Variants in PRKCB observed in about 807,000 individuals in gnomAD.
PRKCB encodes protein kinase C beta, also known as protein kinase C beta type.
A neutral mutation model predicts 81.5 loss-of-function variants in PRKCB; 13 were observed. That is an observed-to-expected ratio of 0.16 (90% confidence interval 0.10 to 0.25). The LOEUF is 0.25. PRKCB is among the 10% of genes least tolerant of loss of function. The probability of loss-of-function intolerance (pLI) is 1.00; values close to 1 mark genes in which losing one functional copy is unlikely to be tolerated. For synonymous variants in PRKCB, 335 were observed against 321.4 expected, an observed-to-expected ratio of 1.04 and a Z score of -0.45; for missense variants, 509 against 875.7, an observed-to-expected ratio of 0.58 and a Z score of 5.29.
intron 3 of PRKCB, among the ~76,000 whole-genome samples, chr16:24,018,588 C>T (rs1012981923): frequency 2.0e-5 from 3 of 152,222 alleles, no homozygotes; most frequent in Admixed American, 6.5e-5. Flanking sequence ...ACATGGACTG[C>T]AGTGCAGATC....
rs192166062 is a variant in PRKCB at position 24,003,408 on chromosome 16, A to T, written c.288+14818A>T. Among the ~76,000 whole-genome samples the T allele has an allele frequency of 6.8e-3, 1,019 of 149,692 alleles. 21 individuals carry two copies. The highest frequency in any genetic ancestry group is 6.6e-3 in the Non-Finnish European group (446 of 67,436). On this transcript the variant is annotated intron_variant, in intron 3 of 16. Coordinates refer to ENST00000643927, the MANE Select transcript of PRKCB (RefSeq NM_002738.7). ...TTCGTTTTTTTTTTTTTTTTGAGAC[A>T]AAGTCTCGCTCTGTTGCCCAGGCTG...
chr16:23,912,306 A>G (rs2141734445), intron 2 of PRKCB, among the ~76,000 whole-genome samples: 1 of 151,986 alleles, frequency 6.6e-6, no homozygotes, highest in African/African-American at 2.4e-5. Context: ...ATCTATATTC[A>G]AGTAGTCCAT....
At chr16:23,837,122 G>A (rs1487908125) in intron 1 of PRKCB, 9 of 568,088 alleles carry the variant, frequency 1.6e-5, no homozygotes, top group Middle Eastern at 4.6e-4. Context: ...CTACCCCGAC[G>A]GAAACGCTCC....
intron 2 of PRKCB, among the ~76,000 whole-genome samples, chr16:23,886,418 T>G (rs1375819100): frequency 2.1e-5 from 3 of 141,164 alleles, no homozygotes; most frequent in Non-Finnish European, 4.6e-5. Context: ...TTTTTTTTTT[T>G]TTTTTTTTTT....
chr16:24,167,551 C>A (rs1967366745), intron 10 of PRKCB, among the ~76,000 whole-genome samples: 1 of 151,754 alleles, frequency 6.6e-6, no homozygotes, highest in African/African-American at 2.4e-5. Flanking sequence ...CAGAGTGAGA[C>A]CCTGCCACAG....
At chr16:24,004,249 C>T (rs1965083019) in intron 3 of PRKCB, among the ~76,000 whole-genome samples, 1 of 151,870 alleles carries the variant, frequency 6.6e-6, no homozygotes, top group Admixed American at 6.6e-5. Flanking sequence ...GAGCAATGTA[C>T]AACTCTTGGC....
intron 2 of PRKCB, among the ~76,000 whole-genome samples, chr16:23,866,972 TCCTTCCCTTCCTTCCCTTCCTTCC>T (rs1198538016): frequency 1.8e-4 from 16 of 89,180 alleles, no homozygotes; most frequent in Admixed American, 3.3e-4. Flanking sequence ...TTCCTTCCCT[TCCTTCCCTTCCTTCCCTTCCTTCC>T]CTTCCTTCCT....
intron 16 of PRKCB, chr16:24,203,367 G>A (rs1178004970): frequency 6.6e-6 from 1 of 152,106 alleles, no homozygotes; most frequent in Non-Finnish European, 1.5e-5. Context: ...TTGCTGCATA[G>A]TAACCTGATA....
intron 2 of PRKCB, among the ~76,000 whole-genome samples, chr16:23,875,779 G>GTA: frequency 9.7e-6 from 1 of 102,578 alleles, no homozygotes; most frequent in South Asian, 4.1e-4. Flanking sequence ...ACACATATAT[G>GTA]TGTGTATATC....
intron 2 of PRKCB, among the ~76,000 whole-genome samples, chr16:23,880,191 A>T (rs758370908): frequency 6.6e-4 from 100 of 152,198 alleles, no homozygotes; most frequent in Non-Finnish European, 1.3e-3. Flanking sequence ...GCTGCAGGAG[A>T]TGCCTGACTC....
In PRKCB at chr16:24,160,614, C is replaced by G. The variant is rs116927458; in HGVS notation, c.1239+5757C>G. Among the ~76,000 whole-genome samples, 1,091 of 152,212 alleles carry G rather than the reference C, an allele frequency of 7.2e-3. 7 individuals are homozygous for G. Among genetic ancestry groups the G allele is most frequent in the Non-Finnish European group, 0.011 (781 of 68,000 alleles). On this transcript the variant is annotated intron_variant, in intron 10 of 16. Coordinates refer to ENST00000643927, the MANE Select transcript of PRKCB (RefSeq NM_002738.7). Reference sequence around the variant, plus strand: ...TTCATTGAAATAATTGTATCAGGCCCCATTGCATCACCATGATGAGGTACA... The same window carrying G: ...TTCATTGAAATAATTGTATCAGGCCGCATTGCATCACCATGATGAGGTACA...
chr16:23,985,853 TG>T (rs1448761523), intron 2 of PRKCB, among the ~76,000 whole-genome samples: 1 of 152,162 alleles, frequency 6.6e-6, no homozygotes, highest in Non-Finnish European at 1.5e-5. Flanking sequence ...AAGCCCATAT[TG>T]CTATACTAGA....
At chr16:24,150,903 A>G (rs1967070644) in intron 9 of PRKCB, among the ~76,000 whole-genome samples, 1 of 152,158 alleles carries the variant, frequency 6.6e-6, no homozygotes, top group East Asian at 1.9e-4. Context: ...TCCGTTAATC[A>G]GTATAGGGCA....
intron 2 of PRKCB, among the ~76,000 whole-genome samples, chr16:23,870,912 C>G (rs1962891670): frequency 6.6e-6 from 1 of 152,150 alleles, no homozygotes; most frequent in African/African-American, 2.4e-5. Flanking sequence ...CCTGATTGGT[C>G]TAGGATGGCT....
At chr16:23,865,225 C>T (rs1046309687) in intron 2 of PRKCB, among the ~76,000 whole-genome samples, 2 of 151,040 alleles carry the variant, frequency 1.3e-5, no homozygotes, top group Admixed American at 1.3e-4. Context: ...CAAGATTGAA[C>T]GAGGAAGAAA....
At position 24,017,086 on chromosome 16, in the gene PRKCB, T is replaced by A. The variant is rs151120850; in HGVS notation, c.289-15050T>A. ...AGAAAAATTTGAAAGTAAGCAGGAA[T>A]GCTAGGGGAGGGGCCAGTGGGTATA... is the stretch of plus-strand genomic sequence containing the variant. On this transcript the variant is annotated intron_variant, in intron 3 of 16. Coordinates refer to ENST00000643927, the MANE Select transcript of PRKCB (RefSeq NM_002738.7). 1.8e-3 allele frequency among the ~76,000 whole-genome samples: 274 copies of A among 152,230 alleles called. 1 individual carries two copies. The highest frequency in any genetic ancestry group is 6.8e-3 in the Middle Eastern group (2 of 294).
At chr16:24,154,643 A>C (rs771422439) in intron 9 of PRKCB, 41 bp from the exon 10 acceptor site, 2 of 1,605,698 alleles carry the variant, frequency 1.2e-6, no homozygotes, top group African/African-American at 2.7e-5. Flanking sequence ...TGGCCCCCAG[A>C]CTCCTTCCAA....
chr16:24,185,164 C>G lies in PRKCB; in HGVS notation c.1587C>G (p.Val529=). 4.3e-6 allele frequency: 7 copies of G among 1,614,066 alleles called. No individual in the cohort carries two copies. Among genetic ancestry groups the G allele is most frequent in the Non-Finnish European group, 5.9e-6 (7 of 1,179,956 alleles). ...CCGTGGATTGGTGGGCATTTGGAGT[C>G]CTGCTGTATGAAATGTTGGCTGGGC... is the stretch of plus-strand genomic sequence containing the variant. The part of the protein sequence containing the change: ...GKSVDWWAFG[V]LLYEMLAGQA... The change falls in exon 14 of 17, where the codon GTC becomes GTG. Residue 529 remains valine, a synonymous_variant. Transcript: ENST00000643927.
intron 9 of PRKCB, among the ~76,000 whole-genome samples, chr16:24,153,688 G>C (rs1052289491): frequency 6.6e-6 from 1 of 152,140 alleles, no homozygotes; most frequent in Non-Finnish European, 1.5e-5. Context: ...AGAAAATACC[G>C]ATGTGTCTGT....
Sources: allele counts gnomAD v4.1 joint callset (sites outside exome capture counted in the v4.1 genomes callset), GRCh38; gene constraint gnomAD v4.1.1; transcripts MANE v1.5; gene names NCBI Gene and HGNC (gene_info 2026-07-23, HGNC 2026-07-21).